PLEKHG1: variants seen among roughly 807,000 people sequenced by gnomAD.
PLEKHG1 encodes pleckstrin homology and RhoGEF domain containing G1, also known as pleckstrin homology domain-containing family G member 1.
In PLEKHG1, 44 loss-of-function variants were observed where a neutral mutation model predicts 100.8. The observed-to-expected ratio is 0.44, with a 90% confidence interval of 0.34 to 0.56. The LOEUF is 0.56. Among genes scored for constraint, PLEKHG1 ranks in the 20% least tolerant of loss-of-function variants. The pLI is 0.01. For synonymous variants in PLEKHG1, 640 were observed against 662.5 expected (o/e 0.97, Z 0.52); for missense variants, 1,545 against 1,720.9 (o/e 0.90, Z 1.81).
intron 10 of PLEKHG1, among the ~76,000 whole-genome samples, chr6:150,810,094 G>T (rs556510012): frequency 1.3e-5 from 2 of 151,982 alleles, no homozygotes; most frequent in East Asian, 3.9e-4. Flanking sequence ...CTAGGAGTTC[G>T]AGACCAGCCT....
chr6:150,706,347 C>A (rs1434738656), intron 3 of PLEKHG1, among the ~76,000 whole-genome samples: 1 of 151,864 alleles, frequency 6.6e-6, no homozygotes, highest in Non-Finnish European at 1.5e-5. Flanking sequence ...GGTGCGGTGG[C>A]TTATGCCTGT....
intron 3 of PLEKHG1, among the ~76,000 whole-genome samples, chr6:150,696,551 T>C (rs1293251021): frequency 6.6e-6 from 1 of 152,144 alleles, no homozygotes. Flanking sequence ...CTGTTCTTCT[T>C]CAGCCCCGTT....
intron 1 of PLEKHG1, among the ~76,000 whole-genome samples, chr6:150,628,576 A>ACACACACACCCC (rs1317085737): frequency 9.3e-6 from 1 of 108,098 alleles, no homozygotes; most frequent in South Asian, 3.1e-4. Flanking sequence ...ACACACACAC[A>ACACACACACCCC]CCCCGTCCTT....
intron 4 of PLEKHG1, among the ~76,000 whole-genome samples, chr6:150,787,878 C>A (rs1429660926): frequency 6.6e-6 from 1 of 152,106 alleles, no homozygotes; most frequent in African/African-American, 2.4e-5. Flanking sequence ...CACATACAAT[C>A]CTTTTCACAA....
intron 1 of PLEKHG1, among the ~76,000 whole-genome samples, chr6:150,602,205 A>T (rs1295584817): frequency 6.6e-6 from 1 of 152,188 alleles, no homozygotes; most frequent in Non-Finnish European, 1.5e-5. Flanking sequence ...TATTATCTTA[A>T]TGGCGGCCGT....
chr6:150,677,768 T>G (rs546206686), intron 3 of PLEKHG1, among the ~76,000 whole-genome samples: 84 of 151,988 alleles, frequency 5.5e-4, no homozygotes, highest in Admixed American at 1.2e-3. Context: ...TCCCAGCTAC[T>G]TGGGAGATTG....
intron 2 of PLEKHG1, among the ~76,000 whole-genome samples, chr6:150,644,382 T>C (rs553579357): frequency 1.4e-5 from 2 of 144,212 alleles, no homozygotes; most frequent in South Asian, 4.7e-4. Context: ...TCACCCAGGC[T>C]GGAGTGCAGT....
At chr6:150,651,048 A>G (rs761269677) in intron 3 of PLEKHG1, 1 of 152,208 alleles carries the variant, frequency 6.6e-6, no homozygotes, top group Admixed American at 6.5e-5. Flanking sequence ...TCATGTCTAC[A>G]TTAGGCACAG....
chr6:150,761,702 G>A (rs1365460190), intron 2 of PLEKHG1, among the ~76,000 whole-genome samples: 1 of 152,180 alleles, frequency 6.6e-6, no homozygotes, highest in Non-Finnish European at 1.5e-5. Context: ...TTAATTTCTT[G>A]TTCATAGATG....
chr6:150,778,890 A>G (rs980011824), intron 3 of PLEKHG1, among the ~76,000 whole-genome samples: 4 of 152,352 alleles, frequency 2.6e-5, no homozygotes, highest in African/African-American at 7.2e-5. Flanking sequence ...AAAGCTGACC[A>G]GGTAACTCAA....
At chr6:150,762,356 ATT>A (rs35841121) in intron 2 of PLEKHG1, among the ~76,000 whole-genome samples, 53,822 of 145,608 alleles carry the variant, frequency 0.37, 11,895 homozygotes, top group African/African-American at 0.61. Context: ...AGCCCGGCTA[ATT>A]TTTTTTTTTT....
chr6:150,628,575 CA>C (rs1777607946), intron 1 of PLEKHG1, among the ~76,000 whole-genome samples: 1 of 137,370 alleles, frequency 7.3e-6, no homozygotes, highest in African/African-American at 2.7e-5. Flanking sequence ...CACACACACA[CA>C]CCCCGTCCTT....
intron 4 of PLEKHG1, among the ~76,000 whole-genome samples, chr6:150,786,926 G>A (rs926530566): frequency 6.6e-6 from 1 of 151,610 alleles, no homozygotes; most frequent in Non-Finnish European, 1.5e-5. Context: ...TACTAGGGTG[G>A]CTGAGGCAGG....
intron 3 of PLEKHG1, among the ~76,000 whole-genome samples, chr6:150,673,932 T>C (rs1167734897): frequency 6.6e-6 from 1 of 152,200 alleles, no homozygotes; most frequent in East Asian, 1.9e-4. Context: ...CCCGAAGTGC[T>C]GCAATTATGG....
At chr6:150,627,992 A>G (rs1325797675) in intron 1 of PLEKHG1, among the ~76,000 whole-genome samples, 2 of 152,248 alleles carry the variant, frequency 1.3e-5, no homozygotes, top group Non-Finnish European at 2.9e-5. Flanking sequence ...ATATGGGCCT[A>G]CATTAATATT....
chr6:150,700,842 C>G (rs12192990), intron 3 of PLEKHG1, among the ~76,000 whole-genome samples: 51,526 of 152,030 alleles, frequency 0.34, 9,580 homozygotes, highest in Non-Finnish European at 0.41. Flanking sequence ...CAGCACCTGG[C>G]ACTTAGAAAG....
intron 3 of PLEKHG1, among the ~76,000 whole-genome samples, chr6:150,710,424 T>C (rs1781201189): frequency 6.6e-6 from 1 of 152,124 alleles, no homozygotes; most frequent in African/African-American, 2.4e-5. Flanking sequence ...TACATTGTGA[T>C]TTACTATAAC....
At chr6:150,770,112 G>A (rs1042930639) in intron 3 of PLEKHG1, among the ~76,000 whole-genome samples, 2 of 152,226 alleles carry the variant, frequency 1.3e-5, no homozygotes, top group Non-Finnish European at 2.9e-5. Context: ...CACAGAGGAA[G>A]TACCAAAATA....
intron 3 of PLEKHG1, chr6:150,684,032 C>T: frequency 2.9e-6 from 1 of 339,026 alleles, no homozygotes; most frequent in East Asian, 8.0e-5. Flanking sequence ...CTGGGACTGT[C>T]TTCACCCAAC....
Sources: allele counts gnomAD v4.1 joint callset (sites outside exome capture counted in the v4.1 genomes callset), GRCh38; gene constraint gnomAD v4.1.1; transcripts MANE v1.5; gene names NCBI Gene and HGNC (gene_info 2026-07-23, HGNC 2026-07-21).